RIPOR2: variants seen among roughly 807,000 people sequenced by gnomAD.
RIPOR2 encodes the protein RHO family interacting cell polarization regulator 2.
In RIPOR2, 39 loss-of-function variants were observed where a neutral mutation model predicts 114.5. The ratio of observed to expected loss-of-function variants is 0.34; its 90% CI spans 0.26 to 0.44. The LOEUF is 0.44. RIPOR2 is among the 20% of genes least tolerant of loss of function. The pLI is 1.00. For synonymous variants in RIPOR2, 445 were observed against 484.4 expected, an observed-to-expected ratio of 0.92 and a Z score of 1.07; for missense variants, 1,007 against 1,255.1, an observed-to-expected ratio of 0.80 and a Z score of 2.99.
chr6:24,947,020 A>C (rs1455874573), intron 1 of RIPOR2, among the ~76,000 whole-genome samples: 1 of 152,188 alleles, frequency 6.6e-6, no homozygotes, highest in African/African-American at 2.4e-5. Context: ...TGACAGAAAG[A>C]AAGAAGAAAG....
chr6:25,017,200 T>G (rs927361250), intron 1 of RIPOR2, among the ~76,000 whole-genome samples: 1 of 152,124 alleles, frequency 6.6e-6, no homozygotes, highest in Non-Finnish European at 1.5e-5. Flanking sequence ...ATTAGCCAGG[T>G]AATCCCCGTT....
chr6:24,885,707 T>G (rs1235296133), intron 1 of RIPOR2, among the ~76,000 whole-genome samples: 1 of 152,190 alleles, frequency 6.6e-6, no homozygotes, highest in Non-Finnish European at 1.5e-5. Flanking sequence ...AGGATTAACA[T>G]TTCAGAGGAT....
intron 1 of RIPOR2, chr6:25,014,880 G>A (rs1436578803): frequency 6.6e-6 from 1 of 152,186 alleles, no homozygotes; most frequent in Non-Finnish European, 1.5e-5. Flanking sequence ...GGATCATTCA[G>A]TTTGTTTGCA....
intron 1 of RIPOR2, chr6:24,877,365 T>C: frequency 1.0e-6 from 1 of 985,382 alleles, no homozygotes; most frequent in Non-Finnish European, 1.2e-6. Context: ...GAGGTACAGG[T>C]GCTGACTCAC....
intron 17 of RIPOR2, 59 bp downstream of exon 17, chr6:24,830,450 C>G (rs978840887): frequency 3.5e-6 from 5 of 1,443,116 alleles, no homozygotes; most frequent in Non-Finnish European, 3.8e-6. Flanking sequence ...CCGACCCCCA[C>G]CCCAATGCCC....
chr6:24,841,667 G>A (rs1166487192), intron 13 of RIPOR2, among the ~76,000 whole-genome samples: 1 of 150,200 alleles, frequency 6.7e-6, no homozygotes, highest in African/African-American at 2.5e-5. Context: ...ACCCAGGCTG[G>A]AGTGCAGTGA....
At chr6:25,025,591 A>G (rs1776575178) in intron 1 of RIPOR2, among the ~76,000 whole-genome samples, 1 of 152,232 alleles carries the variant, frequency 6.6e-6, no homozygotes, top group Non-Finnish European at 1.5e-5. Context: ...TGAATTTCTA[A>G]GGAGAAAAAA....
chr6:25,038,939 AAGG>A (rs1461687553), intron 1 of RIPOR2, among the ~76,000 whole-genome samples: 1 of 152,232 alleles, frequency 6.6e-6, no homozygotes, highest in East Asian at 1.9e-4. Flanking sequence ...CGTGGGGAAA[AAGG>A]AGAGAGCTGT....
chr6:24,845,349 G>A (rs1203508289), intron 12 of RIPOR2, among the ~76,000 whole-genome samples: 1 of 152,114 alleles, frequency 6.6e-6, no homozygotes, highest in East Asian at 1.9e-4. Flanking sequence ...AATCTTTTAG[G>A]GGAGGGATGA....
intron 1 of RIPOR2, among the ~76,000 whole-genome samples, chr6:25,041,620 A>C (rs561539243): frequency 2.0e-5 from 3 of 152,392 alleles, no homozygotes; most frequent in African/African-American, 7.2e-5. Flanking sequence ...ACCACTTGAA[A>C]CAAAATGTAT....
chr6:24,874,466 A>G (rs1000114979), intron 2 of RIPOR2, among the ~76,000 whole-genome samples: 2 of 152,200 alleles, frequency 1.3e-5, no homozygotes, highest in African/African-American at 4.8e-5. Context: ...GCAGAAGGTA[A>G]TGTTCCCAGA....
intron 1 of RIPOR2, among the ~76,000 whole-genome samples, chr6:24,895,413 G>A (rs1314438950): frequency 1.3e-5 from 2 of 150,928 alleles, no homozygotes; most frequent in Non-Finnish European, 2.9e-5. Flanking sequence ...ACTTAGTCTG[G>A]GGTGGGGCCT....
chr6:24,919,799 G>A (rs974380104), intron 1 of RIPOR2, among the ~76,000 whole-genome samples: 1 of 152,140 alleles, frequency 6.6e-6, no homozygotes, highest in Non-Finnish European at 1.5e-5. Context: ...GCTGTAGGCC[G>A]TGTGCCCCTG....
intron 6 of RIPOR2, among the ~76,000 whole-genome samples, chr6:24,868,389 G>A (rs73398461): frequency 0.019 from 2,897 of 152,252 alleles, 42 homozygotes; most frequent in African/African-American, 0.041. Flanking sequence ...TGGAAGAGAG[G>A]CTGATAGATA....
At chr6:24,949,994 A>G (rs1046207772) in intron 1 of RIPOR2, among the ~76,000 whole-genome samples, 1 of 152,232 alleles carries the variant, frequency 6.6e-6, no homozygotes, top group African/African-American at 2.4e-5. Context: ...CCACTCTCTC[A>G]CTATATTCAC....
intron 6 of RIPOR2, among the ~76,000 whole-genome samples, chr6:24,868,195 A>T (rs1448054613): frequency 6.6e-6 from 1 of 152,238 alleles, no homozygotes; most frequent in Non-Finnish European, 1.5e-5. Context: ...CTAGAATTTT[A>T]AACCAGAAAG....
chr6:24,991,774 A>G (rs1405741999), intron 1 of RIPOR2, among the ~76,000 whole-genome samples: 1 of 152,184 alleles, frequency 6.6e-6, no homozygotes, highest in Non-Finnish European at 1.5e-5. Flanking sequence ...GAAACCCTCA[A>G]AGGAAAAAAA....
chr6:24,925,030 G>GT (rs1414157607), intron 1 of RIPOR2, among the ~76,000 whole-genome samples: 1 of 152,200 alleles, frequency 6.6e-6, no homozygotes, highest in Non-Finnish European at 1.5e-5. Flanking sequence ...TTGGGATAAT[G>GT]TTTTGCTTAA....
chr6:24,973,002 A>C (rs1773856763), intron 1 of RIPOR2, among the ~76,000 whole-genome samples: 1 of 152,168 alleles, frequency 6.6e-6, no homozygotes. Flanking sequence ...ACATACGTGC[A>C]TCCCAGCTCT....
Sources: gnomAD v4.1 joint callset for allele counts (sites outside exome capture counted in the v4.1 genomes callset) on GRCh38, gnomAD v4.1.1 for gene constraint, MANE v1.5 for transcripts, NCBI Gene and HGNC (gene_info 2026-07-23, HGNC 2026-07-21) for gene names.